PPARGC1B: variants seen among roughly 807,000 people sequenced by gnomAD.
PPARGC1B encodes peroxisome proliferator-activated receptor gamma coactivator 1-beta.
PPARGC1B carries 34 observed loss-of-function variants against 101.6 expected under a neutral mutation model. The ratio of observed to expected loss-of-function variants is 0.33; its 90% CI spans 0.25 to 0.45. The LOEUF is 0.45. Among genes scored for constraint, PPARGC1B ranks in the 20% least tolerant of loss-of-function variants. The pLI is 1.00. For missense variants in PPARGC1B, 1,234 were observed against 1,317.6 expected (o/e 0.94, Z 0.98); for synonymous variants, 548 against 539.3 (o/e 1.02, Z -0.22).
intron 1 of PPARGC1B, among the ~76,000 whole-genome samples, chr5:149,761,018 G>A (rs372599741): frequency 1.3e-5 from 2 of 152,144 alleles, no homozygotes; most frequent in South Asian, 2.1e-4. Context: ...GCAGGCATCC[G>A]GCCCCTTCCC....
intron 1 of PPARGC1B, among the ~76,000 whole-genome samples, chr5:149,785,227 G>A (rs994139614): frequency 5.3e-5 from 8 of 151,798 alleles, no homozygotes; most frequent in Admixed American, 5.2e-4. Flanking sequence ...TGGACCAGAT[G>A]CCCTCTTTTA....
chr5:149,826,636 A>G (rs773008708), intron 2 of PPARGC1B, 37 bp from the exon 3 acceptor site: 30 of 1,519,906 alleles, frequency 2.0e-5, no homozygotes, highest in East Asian at 2.3e-5. Context: ...CCATCTCCCC[A>G]TCTGCCTTTC....
rs1759697234 is a variant in PPARGC1B, at chr5:149,849,627, G to A, written c.*2069G>A. The A allele has an allele frequency of 1.3e-5, 2 of 152,166 alleles. No homozygotes were observed. The highest frequency in any genetic ancestry group is 4.1e-4 in the South Asian group (2 of 4,826). 9.4% of individuals were successfully genotyped at this position (152,166 alleles called of 1,614,324 possible). A position where few individuals can be genotyped will look rare whatever the true frequency, so the allele number is the denominator to read the frequency against. On this transcript the variant is annotated 3_prime_UTR_variant, in exon 12 of 12. Transcript: ENST00000309241. The stretch of plus-strand genomic sequence containing the variant: ...GAGTTCAATCTATTTGACATCTTGG[G>A]CTAATCTTTGGAAGGTTTCCAACAA...
rs1306543933 is a variant in PPARGC1B, at chr5:149,854,249, G to T, written c.*6691G>T. The T allele has an allele frequency of 6.6e-6, 1 of 152,174 alleles. No homozygotes were observed. The highest frequency in any genetic ancestry group is 2.4e-5 in the African/African-American group (1 of 41,436). The allele number at this position is 152,174 out of a possible 1,614,324, so 9.4% of individuals were successfully genotyped here. A position where few individuals can be genotyped will look rare whatever the true frequency, so the allele number is the denominator to read the frequency against. ...TTTTGTCATCCCCGGGGGTACTACT[G>T]TAGGGGGCATTATTTATTAGGAAGC... On this transcript the variant is annotated 3_prime_UTR_variant, in exon 12 of 12. Coordinates refer to ENST00000309241, the MANE Select transcript of PPARGC1B (RefSeq NM_133263.4).
intron 1 of PPARGC1B, chr5:149,772,282 T>C (rs868587770): frequency 6.7e-7 from 1 of 1,497,956 alleles, no homozygotes; most frequent in Middle Eastern, 1.7e-4. Context: ...TGGGTTAGGG[T>C]ACGGTAGTGT....
At chr5:149,734,427 T>C (rs1359266080) in intron 1 of PPARGC1B, among the ~76,000 whole-genome samples, 1 of 149,484 alleles carries the variant, frequency 6.7e-6, no homozygotes, top group Non-Finnish European at 1.5e-5. Flanking sequence ...TTCCAAACAA[T>C]ATGCTGTGAA....
intron 1 of PPARGC1B, among the ~76,000 whole-genome samples, chr5:149,773,160 G>A (rs1756210063): frequency 6.6e-6 from 1 of 152,202 alleles, no homozygotes; most frequent in South Asian, 2.1e-4. Context: ...TACCTTCTTG[G>A]TGTTTGGGGC....
At chr5:149,766,582 A>G (rs1755919451) in intron 1 of PPARGC1B, among the ~76,000 whole-genome samples, 1 of 152,154 alleles carries the variant, frequency 6.6e-6, no homozygotes, top group African/African-American at 2.4e-5. Context: ...CCTCCTAGTA[A>G]GTAACCTCTC....
Position 149,854,784 on chromosome 5 carries a change from CTAGA to C in PPARGC1B, c.*7229_*7232del, listed in dbSNP as rs1759901352. The C allele has an allele frequency of 6.6e-6, 1 of 152,026 alleles. No homozygotes were observed. The highest frequency in any genetic ancestry group is 2.4e-5 in the African/African-American group (1 of 41,390). The allele number at this position is 152,026 out of a possible 1,614,324, so 9.4% of individuals were successfully genotyped here. A position where few individuals can be genotyped will look rare whatever the true frequency, so the allele number is the denominator to read the frequency against. On this transcript the variant is annotated 3_prime_UTR_variant, in exon 12 of 12. Coordinates refer to ENST00000309241, the MANE Select transcript of PPARGC1B (RefSeq NM_133263.4). The stretch of plus-strand genomic sequence containing the variant: ...GTACATTGTCAGATTCTATAGTTTC[CTAGA>C]TAATTTAACCAAATTGCTCTATGTA...
chr5:149,769,162 T>C (rs1756029034), intron 1 of PPARGC1B, among the ~76,000 whole-genome samples: 1 of 152,156 alleles, frequency 6.6e-6, no homozygotes, highest in South Asian at 2.1e-4. Context: ...ACAATAGGGG[T>C]TGTGCTCCTA....
Position 149,832,512 on chromosome 5 carries a change from G to A in PPARGC1B, c.583-144G>A, listed in dbSNP as rs571141230. 1 of 676,906 alleles carries A rather than the reference G, an allele frequency of 1.5e-6. No homozygotes were observed. The highest frequency in any genetic ancestry group is 2.7e-5 in the East Asian group (1 of 36,614). The allele number at this position is 676,906 out of a possible 1,614,324, so 41.9% of individuals were successfully genotyped here. Reference sequence around the variant, plus strand: ...ACAGCCAGGTGCCCGGCTCTGTGTGGGAAGCTGGGGACGGAATGAAGGAAA... The same window carrying A: ...ACAGCCAGGTGCCCGGCTCTGTGTGAGAAGCTGGGGACGGAATGAAGGAAA... On this transcript the variant is annotated intron_variant, in intron 4 of 11. Coordinates refer to ENST00000309241, the MANE Select transcript of PPARGC1B (RefSeq NM_133263.4). This position sits in a 1 kb window ranked among gnomAD's most constrained non-coding sequence, Gnocchi z 4.9.
chr5:149,778,145 A>AACAC (rs60606878), intron 1 of PPARGC1B, among the ~76,000 whole-genome samples: 16 of 100,686 alleles, frequency 1.6e-4, no homozygotes, highest in South Asian at 1.0e-3. Context: ...ATGGAGCAGC[A>AACAC]ACACACACAC....
intron 1 of PPARGC1B, among the ~76,000 whole-genome samples, chr5:149,812,074 G>A (rs537035096): frequency 1.3e-5 from 2 of 152,342 alleles, no homozygotes; most frequent in African/African-American, 4.8e-5. Context: ...CGGCTGTGAA[G>A]GGCTGAGAAT....
chr5:149,754,809 T>G (rs1755446192), intron 1 of PPARGC1B, among the ~76,000 whole-genome samples: 1 of 138,566 alleles, frequency 7.2e-6, no homozygotes, highest in Non-Finnish European at 1.5e-5. Context: ...TTAGACAGAG[T>G]CTTGCTCTGT....
At chr5:149,841,262 A>G (rs1182122603) in intron 9 of PPARGC1B, among the ~76,000 whole-genome samples, 1 of 152,130 alleles carries the variant, frequency 6.6e-6, no homozygotes, top group African/African-American at 2.4e-5. Context: ...AGGAGCAACC[A>G]AGCGAAGACT....
rs745645815 is a variant in PPARGC1B at position 149,836,646 on chromosome 5, G to A, written c.2191G>A (p.Glu731Lys). The A allele has an allele frequency of 1.4e-5, 23 of 1,613,750 alleles. No individual in the cohort carries two copies. In the East Asian group the frequency reaches 3.6e-4, roughly 25 times the overall value. ...GCCCCAGCAGGGTGCCCCTTGGGCT[G>A]AGGCACAGGCCCCTGGCAGGGAGGA... ...DWPQQGAPWAEAQAPGREEDR... is the reference protein window; with the variant it reads ...DWPQQGAPWAKAQAPGREEDR... Residue 731 changes from glutamate to lysine, a missense_variant, in exon 8 of 12, where the codon GAG becomes AAG. Transcript: ENST00000309241.
At chr5:149,786,718 T>C (rs987341713) in intron 1 of PPARGC1B, among the ~76,000 whole-genome samples, 14 of 152,194 alleles carry the variant, frequency 9.2e-5, no homozygotes, top group South Asian at 4.1e-4. Context: ...GGAATATCTT[T>C]GGTAGTAGAA....
chr5:149,825,144 A>G (rs1758462186), intron 2 of PPARGC1B, among the ~76,000 whole-genome samples: 1 of 152,228 alleles, frequency 6.6e-6, no homozygotes, highest in African/African-American at 2.4e-5. Flanking sequence ...CCTAGAAGCC[A>G]CGTGCTCTCC....
chr5:149,820,515 C>T lies in PPARGC1B; in HGVS notation c.161C>T (p.Ser54Leu), dbSNP rs140611336. The change falls in exon 2 of 12, where the codon TCG becomes TTG. Residue 54 changes from serine (S) to leucine (L), a missense_variant. By Grantham distance (145) the Ser-to-Leu change is moderately radical. This residue lies in a region of PPARGC1B where 734 missense variants were observed against 768.4 expected (regional missense o/e 0.96). Transcript: ENST00000309241. ...CAGCTGGATGCCAGCGACTTTGACT[C>T]GGCCACCTGCTTTGGGGAGCTGCAG... is the stretch of plus-strand genomic sequence containing the variant. ...LSQLDASDFDSATCFGELQWC... is the reference protein window; with the variant it reads ...LSQLDASDFDLATCFGELQWC... The T allele has an allele frequency of 2.2e-5, 35 of 1,613,924 alleles. No homozygotes were observed. Among genetic ancestry groups the T allele is most frequent in the African/African-American group, 1.7e-4 (13 of 74,912 alleles).
Sources: allele counts gnomAD v4.1 joint callset (sites outside exome capture counted in the v4.1 genomes callset), GRCh38; gene constraint gnomAD v4.1.1; regional missense constraint gnomAD v4.1.1; non-coding constraint Gnocchi (gnomAD v3.1); transcripts MANE v1.5; gene names NCBI Gene and HGNC (gene_info 2026-07-23, HGNC 2026-07-21).